The following VPS13A variants were observed in gnomAD, a reference collection of about 807,000 sequenced individuals.
The protein encoded by VPS13A is intermembrane lipid transfer protein VPS13A.
Under a neutral mutation model 390.9 loss-of-function variants are expected in VPS13A, and 264 were observed. That is an observed-to-expected ratio of 0.68 (90% confidence interval 0.61 to 0.75). VPS13A has a LOEUF of 0.75. VPS13A is among the 30% of genes least tolerant of loss of function. The pLI is 0.00. For synonymous variants in VPS13A, 1,231 were observed against 1,227.1 expected (o/e 1.00, Z -0.07); for missense variants, 3,409 against 3,733.9 (o/e 0.91, Z 2.27).
At chr9:77,291,614 C>G (rs1395399004) in intron 31 of VPS13A, among the ~76,000 whole-genome samples, 2 of 152,106 alleles carry the variant, frequency 1.3e-5, no homozygotes, top group Non-Finnish European at 2.9e-5. Flanking sequence ...CCGTGCTGAG[C>G]CTTTGACCTT....
chr9:77,332,265 ATTATT>A (rs1830318633), intron 46 of VPS13A, 152 bp downstream of exon 46: 2 of 618,174 alleles, frequency 3.2e-6, no homozygotes, highest in South Asian at 2.0e-5. Context: ...AAAAAGAAGT[ATTATT>A]TAATTTATTG....
Position 77,314,546 on chromosome 9 carries a change from T to C in VPS13A, c.4294T>C (p.Leu1432=). ...TTCTCTGAAACTTGCTGAATTTAAA[T>C]TGGAGAATATTATAAGTACTTTAAA... ...DPSLKLAEFK[L]ENIISTLKMY... The change falls in exon 37 of 72, where the codon TTG becomes CTG. Residue 1432 remains leucine, a synonymous_variant. Coordinates refer to ENST00000360280, the MANE Select transcript of VPS13A (RefSeq NM_033305.3). 1.2e-6 allele frequency: 2 copies of C among 1,612,118 alleles called. No individual in the cohort carries two copies. Among genetic ancestry groups the C allele is most frequent in the South Asian group, 1.1e-5 (1 of 90,998 alleles).
At chr9:77,326,487 G>A (rs1255967063) in intron 45 of VPS13A, among the ~76,000 whole-genome samples, 1 of 151,624 alleles carries the variant, frequency 6.6e-6, no homozygotes, top group Admixed American at 6.6e-5. Context: ...CTCTTGCTGT[G>A]TCTTCAATTT....
At chr9:77,367,590 G>T (rs1484428747) in intron 61 of VPS13A, among the ~76,000 whole-genome samples, 1 of 152,172 alleles carries the variant, frequency 6.6e-6, no homozygotes, top group Non-Finnish European at 1.5e-5. Context: ...TGCTATGGAT[G>T]GGTTATAAGT....
intron 52 of VPS13A, among the ~76,000 whole-genome samples, chr9:77,349,536 G>A (rs879580902): frequency 2.0e-5 from 3 of 152,032 alleles, no homozygotes; most frequent in Admixed American, 6.6e-5. Context: ...TACTGAATGC[G>A]TGATATTCTA....
rs1473460424 is a variant in VPS13A, at chr9:77,340,510, A to G, written c.6986A>G (p.Glu2329Gly). 1 of 1,613,210 alleles carries G rather than the reference A, an allele frequency of 6.2e-7. No individual in the cohort carries two copies. Among genetic ancestry groups the G allele is most frequent in the Non-Finnish European group, 8.5e-7 (1 of 1,179,706 alleles). Residue 2329 changes from glutamate to glycine, a missense_variant, in exon 50 of 72, where the codon GAA (glutamate) becomes GGA (glycine). This residue lies in a region of VPS13A where 2,717 missense variants were observed against 2,917.4 expected (regional missense o/e 0.93). Coordinates refer to ENST00000360280, the MANE Select transcript of VPS13A (RefSeq NM_033305.3). ...NKSKYHISVA[E>G]EGNDKWLSLD... The stretch of plus-strand genomic sequence containing the variant: ...AGCAAATACCATATATCAGTGGCTG[A>G]AGAAGGAAATGATAAATGGCTCTCT...
intron 68 of VPS13A, 106 bp downstream of exon 68, chr9:77,382,193 G>T: frequency 7.5e-7 from 1 of 1,327,298 alleles, no homozygotes; most frequent in Non-Finnish European, 1.0e-6. Context: ...TATCTATTTT[G>T]CTTAATTCCA....
chr9:77,380,871 A>G (rs1308520355), intron 67 of VPS13A, among the ~76,000 whole-genome samples: 1 of 152,162 alleles, frequency 6.6e-6, no homozygotes, highest in Non-Finnish European at 1.5e-5. Context: ...TTCTTATGAG[A>G]ATCTGATGCC....
intron 10 of VPS13A, among the ~76,000 whole-genome samples, chr9:77,215,341 T>G (rs1424140730): frequency 3.3e-5 from 5 of 152,232 alleles, no homozygotes. Flanking sequence ...AAGTGATTCT[T>G]CTTTTTGTGC....
chr9:77,187,604 A>AACAC (rs771313054), intron 1 of VPS13A, among the ~76,000 whole-genome samples: 2 of 125,004 alleles, frequency 1.6e-5, no homozygotes, highest in Non-Finnish European at 3.2e-5. Context: ...TTTACATACA[A>AACAC]ACATACACAC....
At position 77,315,336 on chromosome 9, in the gene VPS13A, A is replaced by G. The variant is rs1192319901; in HGVS notation, c.4496A>G (p.Asp1499Gly). Residue 1499 changes from aspartate (D) to glycine (G), a missense_variant, in exon 38 of 72, where the codon GAT (aspartate) becomes GGT (glycine). Physicochemically the swap from Asp to Gly is moderately conservative, Grantham distance 94. Transcript: ENST00000360280. ...AAAGTCAGAGATGGTTGTGTGACTG[A>G]TGCGGTCTTTCAAGAAATGTATATT... ...YRKVRDGCVTDAVFQEMYICA... is the reference protein window; with the variant it reads ...YRKVRDGCVTGAVFQEMYICA... The G allele has an allele frequency of 6.2e-7, 1 of 1,614,028 alleles. No homozygotes were observed. The highest frequency in any genetic ancestry group is 1.1e-5 in the South Asian group (1 of 91,086).
Position 77,282,253 on chromosome 9 carries a change from G to C in VPS13A, c.3097G>C (p.Gly1033Arg). ...PVSTTETEDK[G>R]DVIKKLALKL... ...GTCCACTACAGAGACTGAAGACAAA[G>C]GAGATGTCATTAAAAAATTAGGTAT... The change falls in exon 29 of 72, where the codon GGA becomes CGA. Residue 1033 changes from glycine (G) to arginine (R), a missense_variant. Physicochemically the swap from Gly to Arg is moderately radical, Grantham distance 125. This residue lies in a region of VPS13A where 2,717 missense variants were observed against 2,917.4 expected (regional missense o/e 0.93). Transcript: ENST00000360280. 1 of 1,611,782 alleles carries C rather than the reference G, an allele frequency of 6.2e-7. No homozygotes were observed. Among genetic ancestry groups the C allele is most frequent in the Non-Finnish European group, 8.5e-7 (1 of 1,179,304 alleles).
chr9:77,275,405 C>T lies in VPS13A; in HGVS notation c.2513-93C>T. ...TAATATTTGATATTTAAAAGAGAGC[C>T]TTAGTGTTTTAGTGTTCATATTTAT... On this transcript the variant is annotated intron_variant, in intron 24 of 71. Coordinates refer to ENST00000360280, the MANE Select transcript of VPS13A (RefSeq NM_033305.3). 4.2e-6 allele frequency: 5 copies of T among 1,187,656 alleles called. No individual in the cohort carries two copies. The South Asian group carries it at 6.5e-5, about 15-fold the overall frequency. The allele number at this position is 1,187,656 out of a possible 1,614,324, so 73.6% of individuals were successfully genotyped here.
chr9:77,279,573 G>T (rs1826895941), intron 26 of VPS13A, among the ~76,000 whole-genome samples: 1 of 152,010 alleles, frequency 6.6e-6, no homozygotes, highest in Non-Finnish European at 1.5e-5. Flanking sequence ...CTCGTTTAGG[G>T]CCTCCAGTTT....
chr9:77,247,412 T>C lies in VPS13A; in HGVS notation c.2037+17T>C, dbSNP rs752253725. The C allele has an allele frequency of 5.0e-6, 8 of 1,591,940 alleles. No homozygotes were observed. Among genetic ancestry groups the C allele is most frequent in the Non-Finnish European group, 6.8e-6 (8 of 1,168,872 alleles). ...CATCTAAAGGTATATACTAATAATA[T>C]TTGATTTATGATACAGCATTTGGGG... is the stretch of plus-strand genomic sequence containing the variant. On this transcript the variant is annotated intron_variant, in intron 20 of 71. Transcript: ENST00000360280.
chr9:77,359,273 GA>G (rs1831996805), intron 57 of VPS13A, 59 bp from the exon 58 acceptor site: 2 of 1,425,574 alleles, frequency 1.4e-6, no homozygotes, highest in South Asian at 2.3e-5. Context: ...TATATTGGAA[GA>G]AAATGCCTAG....
intron 23 of VPS13A, among the ~76,000 whole-genome samples, chr9:77,267,896 C>A (rs1826127344): frequency 6.6e-6 from 1 of 152,220 alleles, no homozygotes; most frequent in African/African-American, 2.4e-5. Flanking sequence ...GGCAGTCTGG[C>A]TACAGTGGCT....
At chr9:77,288,208 G>T (rs1212841041) in intron 31 of VPS13A, among the ~76,000 whole-genome samples, 2 of 152,090 alleles carry the variant, frequency 1.3e-5, no homozygotes, top group Non-Finnish European at 2.9e-5. Flanking sequence ...GATCAGCCTG[G>T]TTAACGATGT....
chr9:77,179,692 T>C (rs563338633), intron 1 of VPS13A, among the ~76,000 whole-genome samples: 1 of 152,020 alleles, frequency 6.6e-6, no homozygotes, highest in African/African-American at 2.4e-5. Flanking sequence ...TGTACGTTTT[T>C]TTTTTTTTTT....
Sources: allele counts gnomAD v4.1 joint callset (sites outside exome capture counted in the v4.1 genomes callset), GRCh38; gene constraint gnomAD v4.1.1; regional missense constraint gnomAD v4.1.1; transcripts MANE v1.5; gene names NCBI Gene and HGNC (gene_info 2026-07-23, HGNC 2026-07-21).